The following RPS6KC1 variants were observed in gnomAD, a reference collection of about 807,000 sequenced individuals.
The protein encoded by RPS6KC1 is ribosomal protein S6 kinase C1.
A neutral mutation model predicts 103.8 loss-of-function variants in RPS6KC1; 54 were observed. That is an observed-to-expected ratio of 0.52 (90% CI 0.42 to 0.65). The LOEUF (loss-of-function observed/expected upper bound fraction) is 0.65. RPS6KC1 is among the 30% of genes least tolerant of loss of function. The probability of loss-of-function intolerance (pLI) is 0.00; values close to 1 mark genes in which losing one functional copy is unlikely to be tolerated. For missense variants in RPS6KC1, 1,151 were observed against 1,253.8 expected, an observed-to-expected ratio of 0.92 and a Z score of 1.24; for synonymous variants, 439 against 438.7, an observed-to-expected ratio of 1.00 and a Z score of -0.01.
At chr1:213,138,223 A>T (rs1277628653) in intron 6 of RPS6KC1, among the ~76,000 whole-genome samples, 1 of 151,928 alleles carries the variant, frequency 6.6e-6, no homozygotes, top group Non-Finnish European at 1.5e-5. Context: ...GCTAATATTT[A>T]TTCATTTATG....
chr1:213,704,023 A>G, the RPS6KC1 span, among the ~76,000 whole-genome samples: 2 of 151,710 alleles, frequency 1.3e-5, no homozygotes, highest in African/African-American at 2.4e-5. Flanking sequence ...TTTCTTTTGT[A>G]TCTTCTGTAT....
At chr1:213,219,050 G>T (rs1455392953) in intron 8 of RPS6KC1, among the ~76,000 whole-genome samples, 1 of 152,148 alleles carries the variant, frequency 6.6e-6, no homozygotes, top group Non-Finnish European at 1.5e-5. Flanking sequence ...CACAGCAAAA[G>T]AAACTACCAT....
chr1:213,088,130 G>A lies in RPS6KC1; in HGVS notation c.262+10314G>A, dbSNP rs550664582. ...GCCTTGGCATGCTTGAATTCTGGAG[G>A]AGTCTTTCCTGTTCTTCTGGCAACT... On this transcript the variant is annotated intron_variant, in intron 3 of 14. Transcript: ENST00000366960. 8.5e-5 allele frequency among the ~76,000 whole-genome samples: 13 copies of A among 152,230 alleles called. No homozygotes were observed. The East Asian group carries it at 2.5e-3, about 29-fold the overall frequency.
At chr1:213,698,868 C>T in the RPS6KC1 span, among the ~76,000 whole-genome samples, 1 of 151,662 alleles carries the variant, frequency 6.6e-6, no homozygotes, top group African/African-American at 2.4e-5. Context: ...TTATTAATAT[C>T]CCCTTTGTCT....
the RPS6KC1 span, among the ~76,000 whole-genome samples, chr1:213,728,698 AG>A: frequency 1.3e-5 from 2 of 152,028 alleles, no homozygotes; most frequent in African/African-American, 4.8e-5. Context: ...TGAAAGAAGG[AG>A]CAGAGAACTT....
At chr1:213,799,569 T>C in the RPS6KC1 span, among the ~76,000 whole-genome samples, 1 of 152,354 alleles carries the variant, frequency 6.6e-6, no homozygotes, top group East Asian at 1.9e-4. Flanking sequence ...TGTCAAACTT[T>C]ATGGTATGCT....
the RPS6KC1 span, among the ~76,000 whole-genome samples, chr1:213,838,820 T>G: frequency 6.0e-3 from 907 of 152,308 alleles, 9 homozygotes; most frequent in Non-Finnish European, 8.0e-3. Flanking sequence ...TCTCATATAT[T>G]GAGATTCCAT....
chr1:213,635,368 C>T, the RPS6KC1 span, among the ~76,000 whole-genome samples: 1 of 152,152 alleles, frequency 6.6e-6, no homozygotes, highest in Non-Finnish European at 1.5e-5. Flanking sequence ...ATGTGAAAAT[C>T]CTCAATAAAA....
chr1:213,780,950 A>C, the RPS6KC1 span, among the ~76,000 whole-genome samples: 1 of 152,136 alleles, frequency 6.6e-6, no homozygotes, highest in East Asian at 1.9e-4. Context: ...TTGAACCCAG[A>C]AGGGGGAGGT....
At chr1:213,428,522 T>TCCTCTC in the RPS6KC1 span, among the ~76,000 whole-genome samples, 13 of 45,844 alleles carry the variant, frequency 2.8e-4, no homozygotes, top group Middle Eastern at 0.017. Context: ...TCCTTCCTCT[T>TCCTCTC]TCTCTCTCTC....
the RPS6KC1 span, among the ~76,000 whole-genome samples, chr1:213,393,112 G>C: frequency 6.6e-6 from 1 of 152,170 alleles, no homozygotes; most frequent in Non-Finnish European, 1.5e-5. Flanking sequence ...ATTCCTCCCT[G>C]CTGTAGCTGG....
chr1:213,442,797 C>T, the RPS6KC1 span, among the ~76,000 whole-genome samples: 1 of 152,148 alleles, frequency 6.6e-6, no homozygotes, highest in Non-Finnish European at 1.5e-5. Context: ...AATGGCTCCC[C>T]TGGGGACGCT....
At chr1:213,193,044 G>A (rs571357246) in intron 8 of RPS6KC1, among the ~76,000 whole-genome samples, 2 of 150,524 alleles carry the variant, frequency 1.3e-5, no homozygotes, top group South Asian at 4.2e-4. Flanking sequence ...TTCCATTGTG[G>A]TCAGAAAAGA....
chr1:213,120,787 A>G (rs1326474659), intron 5 of RPS6KC1, among the ~76,000 whole-genome samples: 2 of 152,164 alleles, frequency 1.3e-5, no homozygotes, highest in Non-Finnish European at 2.9e-5. Context: ...CTGCTGTTTC[A>G]ATGTTCTTTA....
the RPS6KC1 span, among the ~76,000 whole-genome samples, chr1:213,479,588 A>AT: frequency 6.6e-6 from 1 of 152,008 alleles, no homozygotes; most frequent in African/African-American, 2.4e-5. Flanking sequence ...TTATTCATGT[A>AT]TTTTGAATAT....
chr1:213,222,553 G>A (rs2093862013), intron 8 of RPS6KC1, among the ~76,000 whole-genome samples: 1 of 152,018 alleles, frequency 6.6e-6, no homozygotes, highest in Non-Finnish European at 1.5e-5. Flanking sequence ...GGAGTTGCTG[G>A]GCAATGGTAC....
chr1:213,074,788 A>C (rs1474486060), intron 2 of RPS6KC1, among the ~76,000 whole-genome samples: 2 of 150,046 alleles, frequency 1.3e-5, no homozygotes, highest in African/African-American at 4.9e-5. Flanking sequence ...TAAATTGTTA[A>C]ATTTTGCTCC....
chr1:213,820,818 T>C, the RPS6KC1 span: 1 of 152,098 alleles, frequency 6.6e-6, no homozygotes. Context: ...CAAAACACAT[T>C]TTTTGGATGA....
chr1:213,452,585 G>T, the RPS6KC1 span, among the ~76,000 whole-genome samples: 2 of 152,246 alleles, frequency 1.3e-5, no homozygotes, highest in Non-Finnish European at 2.9e-5. Context: ...AATAATGAAA[G>T]AACTTGGTAC....
Sources: gnomAD v4.1 joint callset for allele counts (sites outside exome capture counted in the v4.1 genomes callset) on GRCh38, gnomAD v4.1.1 for gene constraint, MANE v1.5 for transcripts, NCBI Gene and HGNC (gene_info 2026-07-23, HGNC 2026-07-21) for gene names.